The following P2RY8 variants were observed in gnomAD, a reference collection of about 807,000 sequenced individuals.
P2RY8 encodes the protein S-geranylgeranyl-glutathione receptor P2RY8.
A neutral mutation model predicts 10.0 loss-of-function variants in P2RY8; 6 were observed. That is an observed-to-expected ratio of 0.60 (90% CI 0.33 to 1.19). P2RY8 has a LOEUF of 1.19. Ranked by LOEUF, P2RY8 falls within the 50% of genes most tolerant of loss-of-function variation. The probability of loss-of-function intolerance (pLI) is 0.04; values close to 1 mark genes in which losing one functional copy is unlikely to be tolerated. For missense variants in P2RY8, 456 were observed against 542.0 expected, an observed-to-expected ratio of 0.84 and a Z score of 1.58; for synonymous variants, 276 against 252.5, an observed-to-expected ratio of 1.09 and a Z score of -0.88.
At chrX:1,505,433 A>G (rs1450879295) in intron 1 of P2RY8, among the ~76,000 whole-genome samples, 1 of 152,100 alleles carries the variant, frequency 6.6e-6, no homozygotes, top group Non-Finnish European at 1.5e-5. Context: ...AAATGGAACC[A>G]CTCCACATGG....
intron 1 of P2RY8, among the ~76,000 whole-genome samples, chrX:1,514,329 T>TCTTTC (rs367965882): frequency 6.8e-6 from 1 of 146,718 alleles, no homozygotes; most frequent in Non-Finnish European, 1.5e-5. Flanking sequence ...CCTTTCCATT[T>TCTTTC]CTTTCCTTTC....
Position 1,463,952 on chromosome X carries a change from T to C in P2RY8, c.*1527A>G, listed in dbSNP as rs1401220902. 4.3e-6 allele frequency: 1 copy of C among 233,230 alleles called. No individual in the cohort carries two copies. Among genetic ancestry groups the C allele is most frequent in the Non-Finnish European group, 8.5e-6 (1 of 118,078 alleles). 14.4% of individuals were successfully genotyped at this position (233,230 alleles called of 1,614,324 possible). ...TTTCAAACATGGTCCCATCCTGATGTTCCAGGTGGACACGGGTTTGGGAAT... is the reference window on the plus strand; with the variant it reads ...TTTCAAACATGGTCCCATCCTGATGCTCCAGGTGGACACGGGTTTGGGAAT... On this transcript the variant is annotated 3_prime_UTR_variant, in exon 2 of 2. Transcript: ENST00000381297.
intron 1 of P2RY8, among the ~76,000 whole-genome samples, chrX:1,498,866 C>T (rs1315421924): frequency 1.3e-5 from 2 of 151,648 alleles, no homozygotes; most frequent in African/African-American, 4.8e-5. Context: ...TGGAGTCTCA[C>T]TCTTGTCACC....
Position 1,473,338 on chromosome X carries a change from G to A in P2RY8, c.-24-6756C>T, listed in dbSNP as rs1786052832. On this transcript the variant is annotated intron_variant, in intron 1 of 1. Coordinates refer to ENST00000381297, the MANE Select transcript of P2RY8 (RefSeq NM_178129.5). ...TGGGGATGGGTAGATGGATGCATGG[G>A]TGGATGAATGGTGGATGGGTTTCTG... Among the ~76,000 whole-genome samples the A allele has an allele frequency of 3.0e-5, 4 of 131,188 alleles. No homozygotes were observed. The East Asian group carries it at 1.0e-3, about 34-fold the overall frequency. 86.1% of individuals were successfully genotyped at this position (131,188 alleles called of 152,430 possible). A position where few individuals can be genotyped will look rare whatever the true frequency, so the allele number is the denominator to read the frequency against.
chrX:1,528,070 G>A (rs1487106674), intron 1 of P2RY8, among the ~76,000 whole-genome samples: 6 of 152,210 alleles, frequency 3.9e-5, no homozygotes, highest in African/African-American at 1.4e-4. Flanking sequence ...CCCAAGAACA[G>A]ATGAGTGATA....
chrX:1,535,561 G>C (rs1466424037), intron 1 of P2RY8, among the ~76,000 whole-genome samples: 1 of 151,926 alleles, frequency 6.6e-6, no homozygotes, highest in Non-Finnish European at 1.5e-5. Context: ...ACGGGAAGGA[G>C]AGATTGAACG....
intron 1 of P2RY8, among the ~76,000 whole-genome samples, chrX:1,514,853 C>T (rs1380127580): frequency 9.0e-5 from 3 of 33,394 alleles, no homozygotes; most frequent in Admixed American, 5.4e-4. Flanking sequence ...CCCTTTCCCT[C>T]CCCCTCCCCC....
chrX:1,472,680 A>G (rs1295253568), intron 1 of P2RY8, among the ~76,000 whole-genome samples: 2 of 58,966 alleles, frequency 3.4e-5, no homozygotes, highest in South Asian at 9.0e-4. Context: ...GAATGCATGG[A>G]TGGGTGGATG....
chrX:1,484,744 AAAAAG>A (rs1186264879), intron 1 of P2RY8, among the ~76,000 whole-genome samples: 2 of 134,786 alleles, frequency 1.5e-5, no homozygotes, highest in Non-Finnish European at 3.3e-5. Flanking sequence ...AAAAAAAAAA[AAAAAG>A]AAGAAGAAGA....
intron 1 of P2RY8, among the ~76,000 whole-genome samples, chrX:1,478,727 C>A (rs1477041988): frequency 6.6e-6 from 1 of 152,098 alleles, no homozygotes; most frequent in Non-Finnish European, 1.5e-5. Flanking sequence ...ATCCACCCAC[C>A]TCGGCCTCCC....
intron 1 of P2RY8, among the ~76,000 whole-genome samples, chrX:1,532,087 T>C (rs1249345051): frequency 2.7e-5 from 4 of 150,862 alleles, no homozygotes; most frequent in Non-Finnish European, 5.9e-5. Flanking sequence ...TAACTCATTA[T>C]ATGAAAAAGA....
At position 1,465,088 on chromosome X, in the gene P2RY8, C is replaced by G; in HGVS notation, c.*391G>C. On this transcript the variant is annotated 3_prime_UTR_variant, in exon 2 of 2. Transcript: ENST00000381297. ...CGGTGGGGCTGGTTGAATATCCACC[C>G]TCGGGTATGGACAGGTGTGAGGAGT... is the stretch of plus-strand genomic sequence containing the variant. 1 of 280,132 alleles carries G rather than the reference C, an allele frequency of 3.6e-6. No homozygotes were observed. The highest frequency in any genetic ancestry group is 6.7e-6 in the Non-Finnish European group (1 of 148,660). 17.4% of individuals were successfully genotyped at this position (280,132 alleles called of 1,614,324 possible).
At chrX:1,534,631 C>A (rs2092511290) in intron 1 of P2RY8, among the ~76,000 whole-genome samples, 1 of 152,094 alleles carries the variant, frequency 6.6e-6, no homozygotes. Context: ...GGGGACCATG[C>A]CCAGACACAG....
chrX:1,533,137 A>G (rs1210709672), intron 1 of P2RY8, among the ~76,000 whole-genome samples: 7 of 150,968 alleles, frequency 4.6e-5, no homozygotes, highest in Non-Finnish European at 1.0e-4. Flanking sequence ...GGTTCAGTGT[A>G]TACTGCTTGG....
intron 1 of P2RY8, among the ~76,000 whole-genome samples, chrX:1,498,566 A>G (rs9698118): frequency 0.48 from 71,891 of 149,648 alleles, 18,422 homozygotes; most frequent in Non-Finnish European, 0.58. Context: ...CACCCAGGCT[A>G]GAGTGCAGTG....
At chrX:1,498,392 C>T (rs371187964) in intron 1 of P2RY8, among the ~76,000 whole-genome samples, 16 of 115,946 alleles carry the variant, frequency 1.4e-4, no homozygotes, top group African/African-American at 3.3e-4. Flanking sequence ...GGCGACAGAG[C>T]GAGACTCTGT....
intron 1 of P2RY8, among the ~76,000 whole-genome samples, chrX:1,500,075 G>C (rs1272285430): frequency 6.8e-6 from 1 of 147,228 alleles, no homozygotes; most frequent in African/African-American, 2.4e-5. Flanking sequence ...AGCCAGGATG[G>C]TCTCGATCTC....
chrX:1,481,801 G>A (rs1286865839), intron 1 of P2RY8, among the ~76,000 whole-genome samples: 3 of 152,154 alleles, frequency 2.0e-5, no homozygotes, highest in African/African-American at 7.2e-5. Context: ...CTGGCAGCTG[G>A]CAGGCGTCAG....
At chrX:1,502,135 T>C (rs2092187040) in intron 1 of P2RY8, among the ~76,000 whole-genome samples, 1 of 151,876 alleles carries the variant, frequency 6.6e-6, no homozygotes, top group Non-Finnish European at 1.5e-5. Flanking sequence ...GGTCTTGAAC[T>C]CCTGACCTCA....
Sources: gnomAD v4.1 joint callset for allele counts (sites outside exome capture counted in the v4.1 genomes callset) on GRCh38, gnomAD v4.1.1 for gene constraint, MANE v1.5 for transcripts, NCBI Gene and HGNC (gene_info 2026-07-23, HGNC 2026-07-21) for gene names.